The following EPPK1 variants were observed in gnomAD, a reference collection of about 807,000 sequenced individuals.
The protein encoded by EPPK1 is epiplakin 1.
For missense variants in EPPK1, 3,823 were observed against 3,673.3 expected (o/e 1.04, Z -1.05); for synonymous variants, 1,862 against 1,721.2 (o/e 1.08, Z -2.03).
At chr8:143,876,590 A>G (rs1262327042) in intron 1 of EPPK1, among the ~76,000 whole-genome samples, 1 of 152,124 alleles carries the variant, frequency 6.6e-6, no homozygotes, top group Non-Finnish European at 1.5e-5. Flanking sequence ...TGCCTCAGAC[A>G]GACTCTGCTT....
At position 143,857,596 on chromosome 8, in the gene EPPK1, G is replaced by A. The variant is rs138554175; in HGVS notation, c.*391C>T. 6.6e-3 allele frequency: 1,330 copies of A among 200,270 alleles called. 60 individuals are homozygous for A. The Admixed American group carries it at 0.067, about 10-fold the overall frequency. 12.4% of individuals were successfully genotyped at this position (200,270 alleles called of 1,614,324 possible). On this transcript the variant is annotated 3_prime_UTR_variant, in exon 2 of 2. Coordinates refer to ENST00000615648, the MANE Select transcript of EPPK1 (RefSeq NM_031308.4). ...TGAACGTGAATAGCACATCGTTAGG[G>A]AAATAACCGCATGTAATAAAAATTA...
intron 1 of EPPK1, among the ~76,000 whole-genome samples, chr8:143,877,034 A>G (rs1429527079): frequency 6.6e-6 from 1 of 152,270 alleles, no homozygotes; most frequent in Non-Finnish European, 1.5e-5. Context: ...GAGGAGATCC[A>G]GGGAGGAAGG....
At position 143,870,337 on chromosome 8, in the gene EPPK1, T is replaced by C; in HGVS notation, c.2917A>G (p.Ile973Val). 6.4e-7 allele frequency: 1 copy of C among 1,558,758 alleles called. No homozygotes were observed. Among genetic ancestry groups the C allele is most frequent in the East Asian group, 2.3e-5 (1 of 42,672 alleles). Residue 973 changes from isoleucine (I) to valine (V), a missense_variant, in exon 2 of 2, where the codon ATC (isoleucine) becomes GTC (valine). Transcript: ENST00000615648. The surrounding 1 kb of genome is among the most constrained non-coding windows in gnomAD (Gnocchi z 5.2). ...LLEAQAATGT[I>V]MDPHSPESLS... ...CTCTCTGGGCTGTGAGGGTCCATGA[T>C]GGTTCCGGTGGCCGCCTGGGCCTCC...
rs782031234 is a variant in EPPK1 at position 143,867,050 on chromosome 8, C to T, written c.6204G>A (p.Leu2068=). ...NTQEKVSYRE[L]QERCRPQEDT... is the part of the protein sequence containing the mutation. Reference sequence around the variant, plus strand: ...CCTCTTGTGGGCGGCACCTCTCCTGCAGCTCTCGGTACGAGACCTTCTCTT... The same window carrying T: ...CCTCTTGTGGGCGGCACCTCTCCTGTAGCTCTCGGTACGAGACCTTCTCTT... Residue 2068 remains leucine (L), a synonymous_variant, in exon 2 of 2, where the codon CTG becomes CTA. Coordinates refer to ENST00000615648, the MANE Select transcript of EPPK1 (RefSeq NM_031308.4). 2.5e-6 allele frequency: 4 copies of T among 1,612,780 alleles called. No individual in the cohort carries two copies. The African/African-American group carries it at 4.0e-5, about 16-fold the overall frequency.
rs890639327 is a variant in EPPK1 at position 143,872,327 on chromosome 8, C to G, written c.927G>C (p.Leu309=). 1.2e-6 allele frequency: 2 copies of G among 1,603,754 alleles called. No individual in the cohort carries two copies. Among genetic ancestry groups the G allele is most frequent in the Non-Finnish European group, 1.7e-6 (2 of 1,175,372 alleles). The part of the protein sequence containing the change: ...KSFFQAATEH[L]LPMGTALPLL... ...GTGGCAGCGCGGTGCCCATTGGGAG[C>G]AGGTGCTCGGTGGCAGCCTGGAAAA... The change falls in exon 2 of 2, where the codon CTG becomes CTC. Residue 309 remains leucine, a synonymous_variant. Coordinates refer to ENST00000615648, the MANE Select transcript of EPPK1 (RefSeq NM_031308.4).
Position 143,871,387 on chromosome 8 carries a change from G to A in EPPK1, c.1867C>T (p.Arg623Cys), listed in dbSNP as rs373435779. Residue 623 changes from arginine to cysteine, a missense_variant, in exon 2 of 2, where the codon CGC (arginine) becomes TGC (cysteine). Physicochemically the swap from Arg to Cys is radical, Grantham distance 180. Coordinates refer to ENST00000615648, the MANE Select transcript of EPPK1 (RefSeq NM_031308.4). ...CATCGGGCCTCATAGATGCTCAGGC[G>A]TTCCTGGGAGCCAGGGAGCAGCAGG... ...AGLLLPGSQE[R>C]LSIYEARCKG... 8.6e-5 allele frequency: 138 copies of A among 1,606,014 alleles called. No homozygotes were observed. Among genetic ancestry groups the A allele is most frequent in the African/African-American group, 4.1e-4 (31 of 74,856 alleles).
In EPPK1 at chr8:143,869,259, G is replaced by C. The variant is rs1554660274; in HGVS notation, c.3995C>G (p.Ser1332Cys). Residue 1332 changes from serine (S) to cysteine (C), a missense_variant, in exon 2 of 2, where the codon TCT becomes TGT. Coordinates refer to ENST00000615648, the MANE Select transcript of EPPK1 (RefSeq NM_031308.4). The stretch of plus-strand genomic sequence containing the variant: ...CTGCCACAGAGAGAGGGAGGCCCTA[G>C]AGTAGGGATCTGGGTACCCGGCCGC... ...RAAAGYPDPYSRASLSLWQAM... is the reference protein window; with the variant it reads ...RAAAGYPDPYCRASLSLWQAM... 3 of 1,609,470 alleles carry C rather than the reference G, an allele frequency of 1.9e-6. No homozygotes were observed. Among genetic ancestry groups the C allele is most frequent in the East Asian group, 4.5e-5 (2 of 44,852 alleles).
At chr8:143,875,953 A>AC (rs1554662256) in intron 1 of EPPK1, among the ~76,000 whole-genome samples, 3 of 149,564 alleles carry the variant, frequency 2.0e-5, no homozygotes, top group Non-Finnish European at 4.5e-5. Flanking sequence ...CCCACCCCCC[A>AC]CCCCCCACTG....
rs1347214563 is a variant in EPPK1, at chr8:143,866,232, G to A, written c.7022C>T (p.Ala2341Val). Reference protein sequence around the residue: ...VREHGIRLLEAQIATGGVIDP... With the variant: ...VREHGIRLLEVQIATGGVIDP... Reference sequence around the variant, plus strand: ...GATGACGCCGCCCGTGGCGATCTGGGCCTCCAGCAGGCGGATGCCGTGCTC... The same window carrying A: ...GATGACGCCGCCCGTGGCGATCTGGACCTCCAGCAGGCGGATGCCGTGCTC... Residue 2341 changes from alanine (A) to valine (V), a missense_variant, in exon 2 of 2, where the codon GCC becomes GTC. Physicochemically the swap from Ala to Val is moderately conservative, Grantham distance 64. Transcript: ENST00000615648. 6 of 462,774 alleles carry A rather than the reference G, an allele frequency of 1.3e-5. No individual in the cohort carries two copies. Among genetic ancestry groups the A allele is most frequent in the South Asian group, 2.2e-5 (1 of 46,092 alleles). The allele number at this position is 462,774 out of a possible 1,614,324, so 28.7% of individuals were successfully genotyped here. A position where few individuals can be genotyped will look rare whatever the true frequency, so the allele number is the denominator to read the frequency against.
At position 143,870,716 on chromosome 8, in the gene EPPK1, G is replaced by A; in HGVS notation, c.2538C>T (p.Arg846=). 6.2e-7 allele frequency: 1 copy of A among 1,611,432 alleles called. No individual in the cohort carries two copies. Among genetic ancestry groups the A allele is most frequent in the Non-Finnish European group, 8.5e-7 (1 of 1,179,198 alleles). ...GGTAGCGACGCAGCAGCTGCCTCCT[G>A]CGGCCCTCGCTGAAGTACTCAGAGT... ...LINSEYFSEG[R]RRQLLRRYRQ... The change falls in exon 2 of 2, where the codon CGC becomes CGT. Residue 846 remains arginine (R), a synonymous_variant. Transcript: ENST00000615648. The surrounding 1 kb of genome is among the most constrained non-coding windows in gnomAD (Gnocchi z 5.2).
Position 143,870,385 on chromosome 8 carries a change from G to T in EPPK1, c.2869C>A (p.Pro957Thr). 6.4e-7 allele frequency: 1 copy of T among 1,572,098 alleles called. No homozygotes were observed. The highest frequency in any genetic ancestry group is 8.6e-7 in the Non-Finnish European group (1 of 1,164,734). Residue 957 changes from proline (P) to threonine (T), a missense_variant, in exon 2 of 2, where the codon CCC becomes ACC. Physicochemically the swap from Pro to Thr is conservative, Grantham distance 38. Coordinates refer to ENST00000615648, the MANE Select transcript of EPPK1 (RefSeq NM_031308.4). The surrounding 1 kb of genome is among the most constrained non-coding windows in gnomAD (Gnocchi z 5.2). ...TCCAGCAGGGCCAGGGCCACCCTGG[G>T]CCCCAGCAGCTTCTGCCTCATGGCC... The part of the protein sequence containing the change: ...YQAMRQKLLG[P>T]RVALALLEAQ...
Position 143,857,997 on chromosome 8 carries a change from G to C in EPPK1, c.15257C>G (p.Ser5086Cys), listed in dbSNP as rs1554657882. 1.9e-6 allele frequency: 3 copies of C among 1,603,230 alleles called. No individual in the cohort carries two copies. The highest frequency in any genetic ancestry group is 2.6e-6 in the Non-Finnish European group (3 of 1,173,980). Residue 5086 changes from serine to cysteine, a missense_variant, in exon 2 of 2, where the codon TCT becomes TGT. By Grantham distance (112) the Ser-to-Cys change is moderately radical. Transcript: ENST00000615648. ...PETGLLFLSL[S>C]LQ ...ACGGAGGAAGCCCAGTCACTGTAGA[G>C]AGAGAGAAAGAAATAGGAGCCCCGT...
rs1818912627 is a variant in EPPK1 at position 143,857,489 on chromosome 8, A to AG, written c.*497dup. The AG allele has an allele frequency of 6.4e-6, 1 of 155,738 alleles. No homozygotes were observed. The highest frequency in any genetic ancestry group is 6.4e-5 in the Admixed American group (1 of 15,652). 9.6% of individuals were successfully genotyped at this position (155,738 alleles called of 1,614,324 possible). Reference sequence around the variant, plus strand: ...CATGCTTTTGGCCAGCACAGCAGCCAGGGAAAGCCCGGGGAGGAGGACCGA... The same window carrying AG: ...CATGCTTTTGGCCAGCACAGCAGCCAGGGGAAAGCCCGGGGAGGAGGACCGA... On this transcript the variant is annotated 3_prime_UTR_variant, in exon 2 of 2. Coordinates refer to ENST00000615648, the MANE Select transcript of EPPK1 (RefSeq NM_031308.4).
rs782727181 is a variant in EPPK1 at position 143,868,795 on chromosome 8, C to T, written c.4459G>A (p.Val1487Met). 1.7e-5 allele frequency: 28 copies of T among 1,601,250 alleles called. No individual in the cohort carries two copies. The East Asian group carries it at 6.3e-4, about 36-fold the overall frequency. ...YVGADKRREL[V>M]ALCRSGRAAA... ...GCCCTCCCAGACCGACAGAGTGCCACCAGCTCCCGCCGCTTGTCAGCGCCA... is the reference window on the plus strand; with the variant it reads ...GCCCTCCCAGACCGACAGAGTGCCATCAGCTCCCGCCGCTTGTCAGCGCCA... The change falls in exon 2 of 2, where the codon GTG becomes ATG. Residue 1487 changes from valine to methionine, a missense_variant. Transcript: ENST00000615648.
Position 143,870,060 on chromosome 8 carries a change from T to C in EPPK1, c.3194A>G (p.Gln1065Arg), listed in dbSNP as rs782024887. The change falls in exon 2 of 2, where the codon CAG (glutamine) becomes CGG (arginine). Residue 1065 changes from glutamine (Q) to arginine (R), a missense_variant. By Grantham distance (43) the Gln-to-Arg change is conservative. Coordinates refer to ENST00000615648, the MANE Select transcript of EPPK1 (RefSeq NM_031308.4). This position sits in a 1 kb window ranked among gnomAD's most constrained non-coding sequence, Gnocchi z 5.2. The stretch of plus-strand genomic sequence containing the variant: ...CATCTCCTGGTCAACATAGCCACGC[T>C]GAATGGCCACTGGCATGGGGAGGTG... ...HHHLPMPVAI[Q>R]RGYVDQEMET... 9 of 1,610,546 alleles carry C rather than the reference T, an allele frequency of 5.6e-6. No homozygotes were observed. The East Asian group carries it at 1.6e-4, about 28-fold the overall frequency.
chr8:143,878,503 C>G (rs532261263), upstream of EPPK1: 2 of 148,604 alleles, frequency 1.3e-5, no homozygotes, highest in African/African-American at 5.0e-5. Flanking sequence ...TCAAGCCCCA[C>G]AGGCCCCGCC....
Position 143,866,895 on chromosome 8 carries a change from G to C in EPPK1, c.6359C>G (p.Pro2120Arg). 2 of 1,613,146 alleles carry C rather than the reference G, an allele frequency of 1.2e-6. No individual in the cohort carries two copies. The highest frequency in any genetic ancestry group is 1.7e-6 in the Non-Finnish European group (2 of 1,179,880). Residue 2120 changes from proline (P) to arginine (R), a missense_variant, in exon 2 of 2, where the codon CCA (proline) becomes CGA (arginine). Physicochemically the swap from Pro to Arg is moderately radical, Grantham distance 103. Coordinates refer to ENST00000615648, the MANE Select transcript of EPPK1 (RefSeq NM_031308.4). ...ITVGRFRGQK[P>R]TLWALLNSEY... ...GGAATTCAGTAGTGCCCACAGTGTT[G>C]GTTTCTGGCCTCTGAACCTTCCCAC... is the stretch of plus-strand genomic sequence containing the variant.
rs1443547436 is a variant in EPPK1, at chr8:143,865,348, G to A, written c.7906C>T (p.Gln2636Ter). 1 of 326,962 alleles carries A rather than the reference G, an allele frequency of 3.1e-6. No homozygotes were observed. The highest frequency in any genetic ancestry group is 5.1e-5 in the East Asian group (1 of 19,644). The allele number at this position is 326,962 out of a possible 1,614,324, so 20.3% of individuals were successfully genotyped here. A position where few individuals can be genotyped will look rare whatever the true frequency, so the allele number is the denominator to read the frequency against. ...AAAAAAAARRQEQTLRDATME... is the reference protein window; with the variant it reads ...AAAAAAAARR ...GTGGCATCACGCAGGGTCTGCTCCT[G>A]GCGGCGGGCGGCGGCGGCGGCGGCG... The change falls in exon 2 of 2, where the codon CAG becomes TAG. Residue 2636 changes from glutamine (Q) to a stop codon, truncating the protein, a stop_gained. Coordinates refer to ENST00000615648, the MANE Select transcript of EPPK1 (RefSeq NM_031308.4). LOFTEE classifies it low-confidence loss of function (END_TRUNC).
rs1819068812 is a variant in EPPK1, at chr8:143,864,918, ATCT to A, written c.8333_8335del (p.Lys2778del). On this transcript the variant is annotated inframe_deletion, in exon 2 of 2. Coordinates refer to ENST00000615648, the MANE Select transcript of EPPK1 (RefSeq NM_031308.4). The stretch of plus-strand genomic sequence containing the variant: ...CTTCCACATGGCCTGGTAGATGCTC[ATCT>A]TCTCCTGGCGGCCGGGCTGGTCCTT... 1 of 367,920 alleles carries A rather than the reference ATCT, an allele frequency of 2.7e-6. No individual in the cohort carries two copies. The highest frequency in any genetic ancestry group is 4.7e-6 in the Non-Finnish European group (1 of 211,458). 22.8% of individuals were successfully genotyped at this position (367,920 alleles called of 1,614,324 possible). A position where few individuals can be genotyped will look rare whatever the true frequency, so the allele number is the denominator to read the frequency against.
Sources: allele counts gnomAD v4.1 joint callset (sites outside exome capture counted in the v4.1 genomes callset), GRCh38; gene constraint gnomAD v4.1.1; non-coding constraint Gnocchi (gnomAD v3.1); transcripts MANE v1.5; gene names NCBI Gene and HGNC (gene_info 2026-07-23, HGNC 2026-07-21).